Variants in XRN2 observed in about 807,000 individuals in gnomAD.
The protein encoded by XRN2 is 5'-3' exoribonuclease 2, also known as DHM1-like protein.
In XRN2, 44 loss-of-function variants were observed where a neutral mutation model predicts 138.5. The observed-to-expected ratio is 0.32, with a 90% CI of 0.25 to 0.41. The LOEUF (loss-of-function observed/expected upper bound fraction) is 0.41, where lower values mean the gene tolerates loss of function less well. XRN2 is among the 10% of genes least tolerant of loss of function. XRN2 has a pLI of 1.00. For missense variants in XRN2, 937 were observed against 1,169.3 expected, an observed-to-expected ratio of 0.80 and a Z score of 2.90; for synonymous variants, 354 against 369.4, an observed-to-expected ratio of 0.96 and a Z score of 0.48.
chr20:21,356,103 G>A lies in XRN2; in HGVS notation c.2044G>A (p.Asp682Asn). ...AGCCAGAAGAAACAGCCTTGGAGGT[G>A]ATGTCTTATTTGTGGGGAAACATCA... ...EETRRNSLGG[D>N]VLFVGKHHPL... Residue 682 changes from aspartate to asparagine, a missense_variant, in exon 22 of 30, where the codon GAT becomes AAT. Asp to Asn is a conservative substitution (Grantham distance 23). This residue lies in a region of XRN2 where 372 missense variants were observed against 414.4 expected (regional missense o/e 0.90). Coordinates refer to ENST00000377191, the MANE Select transcript of XRN2 (RefSeq NM_012255.5). 6.2e-7 allele frequency: 1 copy of A among 1,612,494 alleles called. No homozygotes were observed. Among genetic ancestry groups the A allele is most frequent in the South Asian group, 1.1e-5 (1 of 90,936 alleles).
chr20:21,376,890 G>T (rs1370182243), intron 27 of XRN2, among the ~76,000 whole-genome samples: 2 of 152,224 alleles, frequency 1.3e-5, no homozygotes, highest in African/African-American at 4.8e-5. Context: ...GTAGTCATAG[G>T]AGTCAGGTTC....
At chr20:21,329,719 A>G (rs2038176794) in intron 4 of XRN2, among the ~76,000 whole-genome samples, 1 of 152,154 alleles carries the variant, frequency 6.6e-6, no homozygotes. Context: ...AGAGGAAAAA[A>G]TAGGATTTTT....
chr20:21,357,649 G>T, intron 23 of XRN2, 87 bp from the exon 24 acceptor site: 1 of 1,069,178 alleles, frequency 9.4e-7, no homozygotes, highest in Non-Finnish European at 1.3e-6. Context: ...CTTTTCTAAA[G>T]ACTAACAAAC....
chr20:21,361,898 G>A (rs1004940070), intron 24 of XRN2, among the ~76,000 whole-genome samples: 16 of 152,276 alleles, frequency 1.1e-4, no homozygotes, highest in Non-Finnish European at 1.9e-4. Context: ...AAGATACTAA[G>A]AATCTTTCAA....
At chr20:21,340,538 A>G (rs2038357602) in intron 14 of XRN2, among the ~76,000 whole-genome samples, 183 bp from the exon 15 acceptor site, 1 of 152,224 alleles carries the variant, frequency 6.6e-6, no homozygotes, top group African/African-American at 2.4e-5. Context: ...TTTAGAAGGT[A>G]TAAGTTACCA....
intron 17 of XRN2, 138 bp from the exon 18 acceptor site, chr20:21,348,008 T>C: frequency 1.5e-6 from 1 of 659,722 alleles, no homozygotes; most frequent in East Asian, 3.1e-5. Flanking sequence ...AAAAGATCAG[T>C]ATTTGGAATA....
chr20:21,335,843 C>A (rs1004937492), intron 13 of XRN2, among the ~76,000 whole-genome samples: 1 of 152,170 alleles, frequency 6.6e-6, no homozygotes, highest in Non-Finnish European at 1.5e-5. Flanking sequence ...TTAATTAATA[C>A]GATTTTTCAG....
Position 21,334,017 on chromosome 20 carries a change from T to A in XRN2, c.1125+23T>A, listed in dbSNP as rs192899006. Reference sequence around the variant, plus strand: ...GGGGTAAGTTCATTCTTGAATGATTTCAAAACAGAAGTATTTGCTTTTATA... The same window carrying A: ...GGGGTAAGTTCATTCTTGAATGATTACAAAACAGAAGTATTTGCTTTTATA... On this transcript the variant is annotated intron_variant, in intron 12 of 29. Coordinates refer to ENST00000377191, the MANE Select transcript of XRN2 (RefSeq NM_012255.5). The A allele has an allele frequency of 1.7e-5, 28 of 1,614,052 alleles. No individual in the cohort carries two copies. The African/African-American group carries it at 3.6e-4, about 21-fold the overall frequency.
In XRN2 at chr20:21,333,753, T is replaced by G; in HGVS notation, c.983T>G (p.Val328Gly). 29 of 1,614,130 alleles carry G rather than the reference T, an allele frequency of 1.8e-5. No individual in the cohort carries two copies. Among genetic ancestry groups the G allele is most frequent in the Non-Finnish European group, 2.3e-5 (27 of 1,180,010 alleles). The stretch of plus-strand genomic sequence containing the variant: ...GCCAGCCTACCATTCACATTTGATG[T>G]TGAGAGGAGCATTGATGACTGGGTT... ...TMASLPFTFD[V>G]ERSIDDWVFM... The change falls in exon 11 of 30, where the codon GTT becomes GGT. Residue 328 changes from valine to glycine, a missense_variant. Physicochemically the swap from Val to Gly is moderately radical, Grantham distance 109. Transcript: ENST00000377191.
rs73298372 is a variant in XRN2, at chr20:21,371,274, C to G, written c.2584+2684C>G. Reference sequence around the variant, plus strand: ...CCAAGAAGAAATTGGTTCTATAGGTCTTACTCTTTCAGGGCCCTCTGTTTT... The same window carrying G: ...CCAAGAAGAAATTGGTTCTATAGGTGTTACTCTTTCAGGGCCCTCTGTTTT... On this transcript the variant is annotated intron_variant, in intron 27 of 29. Coordinates refer to ENST00000377191, the MANE Select transcript of XRN2 (RefSeq NM_012255.5). 2.8e-4 allele frequency among the ~76,000 whole-genome samples: 43 copies of G among 152,290 alleles called. 2 individuals carry two copies. The highest frequency in any genetic ancestry group is 1.0e-3 in the African/African-American group (42 of 41,552).
At chr20:21,325,465 G>T (rs920941239) in intron 1 of XRN2, among the ~76,000 whole-genome samples, 2 of 152,192 alleles carry the variant, frequency 1.3e-5, no homozygotes, top group Non-Finnish European at 2.9e-5. Flanking sequence ...AATTCAGAAG[G>T]AACAATTTCT....
At chr20:21,316,257 AAAAC>A (rs781434758) in intron 1 of XRN2, among the ~76,000 whole-genome samples, 12 of 152,384 alleles carry the variant, frequency 7.9e-5, no homozygotes, top group East Asian at 5.8e-4. Context: ...TCAGTCTCAA[AAAAC>A]AAACAAACAA....
intron 1 of XRN2, among the ~76,000 whole-genome samples, chr20:21,309,635 T>C (rs1490336776): frequency 6.6e-6 from 1 of 152,166 alleles, no homozygotes; most frequent in Non-Finnish European, 1.5e-5. Flanking sequence ...GCCAAAAGAT[T>C]GGACACCCCT....
In XRN2 at chr20:21,334,181, A is replaced by G. The variant is rs369246029; in HGVS notation, c.1229A>G (p.Asp410Gly). Residue 410 changes from aspartate to glycine, a missense_variant, in exon 13 of 30, where the codon GAT becomes GGT. Transcript: ENST00000377191. ...AGCATTTTTAAAAAGAGAAAGGATGATGAGGTAAAGTGTTTCTATTGCAGT... is the reference window on the plus strand; with the variant it reads ...AGCATTTTTAAAAAGAGAAAGGATGGTGAGGTAAAGTGTTTCTATTGCAGT... ...EDSIFKKRKD[D>G]EDSFRRRQKE... The G allele has an allele frequency of 6.2e-7, 1 of 1,612,960 alleles. No individual in the cohort carries two copies. Among genetic ancestry groups the G allele is most frequent in the Non-Finnish European group, 8.5e-7 (1 of 1,179,520 alleles).
chr20:21,366,994 G>A (rs1165104610), intron 26 of XRN2, among the ~76,000 whole-genome samples: 1 of 152,162 alleles, frequency 6.6e-6, no homozygotes, highest in Non-Finnish European at 1.5e-5. Context: ...ATTAATGTAT[G>A]ATGGAGACTC....
At chr20:21,331,434 C>A in intron 6 of XRN2, 127 bp from the exon 7 acceptor site, 1 of 736,378 alleles carries the variant, frequency 1.4e-6, no homozygotes, top group Non-Finnish European at 2.3e-6. Context: ...CACACACACA[C>A]ACACCCTTAT....
At chr20:21,352,791 A>G (rs888591683) in intron 20 of XRN2, among the ~76,000 whole-genome samples, 3 of 152,230 alleles carry the variant, frequency 2.0e-5, no homozygotes, top group Non-Finnish European at 4.4e-5. Flanking sequence ...CTGAACTCAG[A>G]AAGTCTGATA....
chr20:21,333,559 G>C lies in XRN2; in HGVS notation c.874G>C (p.Asp292His). The part of the protein sequence containing the change: ...EKKGKHDELA[D>H]SLPCAEGEFI... Reference sequence around the variant, plus strand: ...GTTCTTGCAGCATGATGAACTTGCCGATAGTCTTCCTTGTGCAGAAGGAGA... The same window carrying C: ...GTTCTTGCAGCATGATGAACTTGCCCATAGTCTTCCTTGTGCAGAAGGAGA... Residue 292 changes from aspartate (D) to histidine (H), a missense_variant, in exon 10 of 30, where the codon GAT becomes CAT. Coordinates refer to ENST00000377191, the MANE Select transcript of XRN2 (RefSeq NM_012255.5). The C allele has an allele frequency of 6.2e-7, 1 of 1,613,146 alleles. No individual in the cohort carries two copies. The highest frequency in any genetic ancestry group is 8.5e-7 in the Non-Finnish European group (1 of 1,179,158).
intron 1 of XRN2, among the ~76,000 whole-genome samples, chr20:21,309,702 C>CT (rs1005225849): frequency 6.5e-4 from 96 of 148,074 alleles, no homozygotes; most frequent in Middle Eastern, 3.5e-3. Flanking sequence ...TCTTACTATC[C>CT]TTTTTTTTTT....
Sources: gnomAD v4.1 joint callset for allele counts (sites outside exome capture counted in the v4.1 genomes callset) on GRCh38, gnomAD v4.1.1 for gene constraint, gnomAD v4.1.1 regional missense constraint, MANE v1.5 for transcripts, NCBI Gene and HGNC (gene_info 2026-07-23, HGNC 2026-07-21) for gene names.